UQCC1: variants seen among roughly 807,000 people sequenced by gnomAD.
The protein encoded by UQCC1 is bFGF-repressed Zic-binding protein.
In UQCC1, 38 loss-of-function variants were observed where a neutral mutation model predicts 48.0. The observed-to-expected ratio is 0.79, with a 90% CI of 0.61 to 1.04. The LOEUF (loss-of-function observed/expected upper bound fraction) is 1.04, where lower values mean the gene tolerates loss of function less well. Ranked by LOEUF, UQCC1 falls within the 50% of genes least tolerant of loss-of-function variation. UQCC1 has a pLI of 0.00. For synonymous variants in UQCC1, 111 were observed against 129.2 expected (o/e 0.86, Z 0.95); for missense variants, 368 against 381.8 (o/e 0.96, Z 0.30).
intron 7 of UQCC1, chr20:35,346,875 T>C (rs1469607740): frequency 2.1e-6 from 2 of 933,480 alleles, no homozygotes; most frequent in Non-Finnish European, 3.1e-6. Flanking sequence ...ATTCCCTCCA[T>C]TCACCAAATC....
intron 5 of UQCC1, among the ~76,000 whole-genome samples, chr20:35,368,301 G>A (rs1366247321): frequency 6.6e-6 from 1 of 152,132 alleles, no homozygotes; most frequent in East Asian, 1.9e-4. Context: ...TGTGCCAGAT[G>A]TTCTACTGGG....
chr20:35,408,855 C>CA (rs752826676), intron 1 of UQCC1, among the ~76,000 whole-genome samples: 222 of 134,976 alleles, frequency 1.6e-3, no homozygotes, highest in Middle Eastern at 3.8e-3. Context: ...ACCCTATCTC[C>CA]AAAAAAAAAA....
At chr20:35,410,212 C>T (rs770978749) in intron 1 of UQCC1, 3 of 152,130 alleles carry the variant, frequency 2.0e-5, no homozygotes, top group Non-Finnish European at 2.9e-5. Flanking sequence ...TTTTAAAGTG[C>T]TTAGCACGTA....
chr20:35,317,427 G>A (rs1568651981), intron 7 of UQCC1, among the ~76,000 whole-genome samples: 1 of 152,210 alleles, frequency 6.6e-6, no homozygotes, highest in Admixed American at 6.5e-5. Flanking sequence ...TTACAGCCAT[G>A]GATAATTTTC....
intron 7 of UQCC1, among the ~76,000 whole-genome samples, chr20:35,328,279 C>T (rs73267722): frequency 6.6e-6 from 1 of 152,270 alleles, no homozygotes; most frequent in African/African-American, 2.4e-5. Flanking sequence ...TGTTTCCCCA[C>T]CTGGTGAGTC....
chr20:35,339,985 C>A (rs1339250717), intron 7 of UQCC1, among the ~76,000 whole-genome samples: 1 of 152,090 alleles, frequency 6.6e-6, no homozygotes, highest in Non-Finnish European at 1.5e-5. Flanking sequence ...CTGCTAAGAA[C>A]AAGCACGTTC....
intron 7 of UQCC1, among the ~76,000 whole-genome samples, chr20:35,324,061 C>T (rs142929549): frequency 6.6e-6 from 1 of 152,306 alleles, no homozygotes; most frequent in East Asian, 1.9e-4. Flanking sequence ...TAAAGACCAA[C>T]CTGGCCAACA....
intron 7 of UQCC1, among the ~76,000 whole-genome samples, chr20:35,343,761 A>G (rs536164559): frequency 2.6e-5 from 4 of 152,160 alleles, no homozygotes; most frequent in Admixed American, 2.6e-4. Context: ...ATTGTCCCCT[A>G]CCCCACCCTG....
chr20:35,399,512 T>C (rs1488776259), intron 1 of UQCC1, among the ~76,000 whole-genome samples: 1 of 152,126 alleles, frequency 6.6e-6, no homozygotes, highest in East Asian at 1.9e-4. Flanking sequence ...AGTAATTTTT[T>C]GGGACTCTCC....
At chr20:35,346,941 C>T in intron 7 of UQCC1, 1 of 1,472,972 alleles carries the variant, frequency 6.8e-7, no homozygotes. Context: ...TACAGGATGA[C>T]TTCACACTGA....
At chr20:35,346,877 C>A in intron 7 of UQCC1, 1 of 953,956 alleles carries the variant, frequency 1.0e-6, no homozygotes, top group Non-Finnish European at 1.5e-6. Flanking sequence ...TCCCTCCATT[C>A]ACCAAATCCA....
At chr20:35,388,291 CT>C (rs1251377109) in intron 2 of UQCC1, among the ~76,000 whole-genome samples, 1 of 3,932 alleles carries the variant, frequency 2.5e-4, no homozygotes, top group East Asian at 5.4e-3. Context: ...CCTTCTATTT[CT>C]TTTTTTCTTT....
Position 35,314,730 on chromosome 20 carries a change from G to A in UQCC1, c.609C>T (p.Leu203=). 1 of 1,608,686 alleles carries A rather than the reference G, an allele frequency of 6.2e-7. No individual in the cohort carries two copies. The highest frequency in any genetic ancestry group is 8.5e-7 in the Non-Finnish European group (1 of 1,175,818). The change falls in exon 8 of 10, where the codon CTC becomes CTT. Residue 203 remains leucine (L), a synonymous_variant. Coordinates refer to ENST00000374385, the MANE Select transcript of UQCC1 (RefSeq NM_018244.5). The stretch of plus-strand genomic sequence containing the variant: ...TCGCTGCATAGAAATGATTTGTCAT[G>A]AGGATCATGTTCTTCTTCAGGATAT... ...NPYILKKNMI[L]MTNHFYAAIL...
At chr20:35,387,950 T>C (rs2061965353) in intron 2 of UQCC1, among the ~76,000 whole-genome samples, 1 of 152,088 alleles carries the variant, frequency 6.6e-6, no homozygotes, top group Admixed American at 6.6e-5. Context: ...GTTTTACTTA[T>C]GTTATCTCAC....
chr20:35,385,598 C>T (rs2061932375), intron 2 of UQCC1, among the ~76,000 whole-genome samples: 1 of 152,126 alleles, frequency 6.6e-6, no homozygotes, highest in Non-Finnish European at 1.5e-5. Flanking sequence ...ACCTCCCCGG[C>T]TCAAGCAATT....
intron 6 of UQCC1, 125 bp downstream of exon 6, chr20:35,366,432 G>A (rs41311302): frequency 0.02 from 15,378 of 753,528 alleles, 201 homozygotes; most frequent in Non-Finnish European, 0.027. Flanking sequence ...TAAAATGAAA[G>A]GAACAGTTTT....
At chr20:35,405,086 G>A (rs963040530) in intron 1 of UQCC1, among the ~76,000 whole-genome samples, 1 of 152,200 alleles carries the variant, frequency 6.6e-6, no homozygotes, top group Admixed American at 6.6e-5. Flanking sequence ...ATAGCAGGAA[G>A]TGAAAGTTAA....
intron 8 of UQCC1, among the ~76,000 whole-genome samples, 188 bp downstream of exon 8, chr20:35,314,500 T>C (rs2061035056): frequency 6.6e-6 from 1 of 152,124 alleles, no homozygotes; most frequent in Non-Finnish European, 1.5e-5. Flanking sequence ...CCCAAACATG[T>C]GGCATGTTTC....
At position 35,323,692 on chromosome 20, in the gene UQCC1, C is replaced by A. The variant is rs138766476; in HGVS notation, c.574-8927G>T. Among the ~76,000 whole-genome samples the A allele has an allele frequency of 5.9e-5, 9 of 152,338 alleles. No homozygotes were observed. The South Asian group carries it at 6.2e-4, about 11-fold the overall frequency. On this transcript the variant is annotated intron_variant, in intron 7 of 9. Transcript: ENST00000374385. ...AGATTCTATGGCCAAGAGAAACACC[C>A]AGAGGCTATTCCATGGATTGGTCAG...
Sources: allele counts gnomAD v4.1 joint callset (sites outside exome capture counted in the v4.1 genomes callset), GRCh38; gene constraint gnomAD v4.1.1; transcripts MANE v1.5; gene names NCBI Gene and HGNC (gene_info 2026-07-23, HGNC 2026-07-21).